The following APOC1 variants were observed in gnomAD, a reference collection of about 807,000 sequenced individuals.
APOC1 encodes the protein apolipoprotein C1.
APOC1 carries 4 observed loss-of-function variants against 6.7 expected under a neutral mutation model. The ratio of observed to expected loss-of-function variants is 0.60; its 90% confidence interval spans 0.29 to 1.37. APOC1 has a LOEUF of 1.37. APOC1 is among the 40% of genes most tolerant of loss of function. APOC1 has a pLI of 0.09. For missense variants in APOC1, 122 were observed against 99.4 expected (o/e 1.23, Z -0.97); for synonymous variants, 33 against 40.6 (o/e 0.81, Z 0.72).
rs1970058728 is a variant in APOC1 at position 44,919,177 on chromosome 19, T to G, written c.199T>G (p.Trp67Gly). The G allele has an allele frequency of 6.2e-7, 1 of 1,613,314 alleles. No homozygotes were observed. Among genetic ancestry groups the G allele is most frequent in the Admixed American group, 1.7e-5 (1 of 59,936 alleles). ...CTTCCTTATTCCTCCCCACAGGGAG[T>G]GGTTTTCAGAGACATTTCAGAAAGT... ...QSELSAKMRE[W>G]FSETFQKVKE... The change falls in exon 4 of 4, where the codon TGG becomes GGG. Residue 67 changes from tryptophan to glycine, a missense_variant. By Grantham distance (184) the Trp-to-Gly change is radical. Transcript: ENST00000592535.
At chr19:44,915,629 AG>A (rs1969990793) in intron 2 of APOC1, among the ~76,000 whole-genome samples, 1 of 150,008 alleles carries the variant, frequency 6.7e-6, no homozygotes, top group Non-Finnish European at 1.5e-5. Context: ...ATGATCCCCA[AG>A]GATCTCTATC....
Position 44,914,965 on chromosome 19 carries a change from G to C in APOC1, c.58+16G>C, listed in dbSNP as rs1969977588. ...GTCTTGGAAGGTAAAAGTGGGATGGGAGAATTGCGGAGTTGGAGATTTGGA... is the reference window on the plus strand; with the variant it reads ...GTCTTGGAAGGTAAAAGTGGGATGGCAGAATTGCGGAGTTGGAGATTTGGA... On this transcript the variant is annotated intron_variant, in intron 2 of 3. Coordinates refer to ENST00000592535, the MANE Select transcript of APOC1 (RefSeq NM_001645.5). 6.3e-7 allele frequency: 1 copy of C among 1,599,584 alleles called. No homozygotes were observed. Among genetic ancestry groups the C allele is most frequent in the East Asian group, 2.2e-5 (1 of 44,780 alleles).
In APOC1 at chr19:44,916,295, TCAAA is replaced by T; in HGVS notation, c.167_170del (p.Lys56ArgfsTer19). 1.9e-6 allele frequency: 3 copies of T among 1,613,910 alleles called. No individual in the cohort carries two copies. The highest frequency in any genetic ancestry group is 1.7e-4 in the Middle Eastern group (1 of 6,058). ...AAGGCTCGGGAACTCATCAGCCGCA[TCAAA>T]CAGAGTGAACTTTCTGCCAAGATGC... On this transcript the variant is annotated frameshift_variant, in exon 3 of 4. Coordinates refer to ENST00000592535, the MANE Select transcript of APOC1 (RefSeq NM_001645.5). LOFTEE classifies it low-confidence loss of function (END_TRUNC).
chr19:44,918,059 G>A (rs1001446687), intron 3 of APOC1, among the ~76,000 whole-genome samples: 2 of 152,028 alleles, frequency 1.3e-5, no homozygotes, highest in Non-Finnish European at 2.9e-5. Context: ...CACGAGGTCA[G>A]GAGTTCGAGA....
At chr19:44,916,825 A>AAAC (rs1970018475) in intron 3 of APOC1, among the ~76,000 whole-genome samples, 1 of 144,534 alleles carries the variant, frequency 6.9e-6, no homozygotes. Context: ...AAAAAAAAAA[A>AAAC]AAAAAAAAAA....
intron 3 of APOC1, among the ~76,000 whole-genome samples, chr19:44,917,689 C>G (rs957040981): frequency 1.3e-5 from 2 of 151,508 alleles, no homozygotes; most frequent in East Asian, 2.0e-4. Flanking sequence ...TTAGAAAGAT[C>G]GTTTGGAGGC....
Position 44,916,334 on chromosome 19 carries a change from C to A in APOC1, c.194+9C>A, listed in dbSNP as rs1382203005. 3.1e-6 allele frequency: 5 copies of A among 1,613,410 alleles called. No individual in the cohort carries two copies. Among genetic ancestry groups the A allele is most frequent in the Admixed American group, 3.3e-5 (2 of 59,882 alleles). ...CTTTCTGCCAAGATGCGGTTAGAAC[C>A]CTTCCCAGGGCACGGGAGAGCTGGG... On this transcript the variant is annotated intron_variant, in intron 3 of 3. Coordinates refer to ENST00000592535, the MANE Select transcript of APOC1 (RefSeq NM_001645.5).
Position 44,914,911 on chromosome 19 carries a change from T to A in APOC1, c.20T>A (p.Leu7His). The change falls in exon 2 of 4, where the codon CTC becomes CAC. Residue 7 changes from leucine to histidine, a missense_variant. By Grantham distance (99) the Leu-to-His change is moderately conservative. Transcript: ENST00000592535. ...CTCGCCATGAGGCTCTTCCTGTCGC[T>A]CCCGGTCCTGGTGGTGGTTCTGTCG... MRLFLSLPVLVVVLSIV... is the reference protein window; with the variant it reads MRLFLSHPVLVVVLSIV... 2 of 1,613,732 alleles carry A rather than the reference T, an allele frequency of 1.2e-6. No individual in the cohort carries two copies. Among genetic ancestry groups the A allele is most frequent in the Non-Finnish European group, 1.7e-6 (2 of 1,179,830 alleles).
chr19:44,916,144 A>AAAAAC (rs1555791328), intron 2 of APOC1, 46 bp from the exon 3 acceptor site: 1 of 1,493,308 alleles, frequency 6.7e-7, no homozygotes, highest in African/African-American at 1.5e-5. Context: ...CTCCAAAAAA[A>AAAAAC]AAAAAAAAAA....
At chr19:44,916,408 G>GAA in intron 3 of APOC1, 83 bp downstream of exon 3, 7 of 1,510,696 alleles carry the variant, frequency 4.6e-6, no homozygotes, top group South Asian at 1.2e-5. Context: ...TGAACAGATT[G>GAA]AAAAAAAAAC....
In APOC1 at chr19:44,919,313, C is replaced by A; in HGVS notation, c.*83C>A. 8.3e-7 allele frequency: 1 copy of A among 1,206,540 alleles called. No homozygotes were observed. The highest frequency in any genetic ancestry group is 1.2e-6 in the Non-Finnish European group (1 of 822,090). The allele number at this position is 1,206,540 out of a possible 1,614,324, so 74.7% of individuals were successfully genotyped here. On this transcript the variant is annotated 3_prime_UTR_variant, in exon 4 of 4. Coordinates refer to ENST00000592535, the MANE Select transcript of APOC1 (RefSeq NM_001645.5). ...TGTGCTGAGGACTCCCTCCATGTGGCCCCAGGTGCCACCAATAAAAATCCT... is the reference window on the plus strand; with the variant it reads ...TGTGCTGAGGACTCCCTCCATGTGGACCCAGGTGCCACCAATAAAAATCCT...
chr19:44,918,135 G>A (rs1354675390), intron 3 of APOC1, among the ~76,000 whole-genome samples: 1 of 150,444 alleles, frequency 6.6e-6, no homozygotes, highest in East Asian at 2.0e-4. Context: ...GGGTGTGGTG[G>A]CAGGCACCTG....
At chr19:44,914,557 C>T (rs190454394), upstream of APOC1, 168 of 316,210 alleles carry the variant, frequency 5.3e-4, no homozygotes, top group Middle Eastern at 7.1e-3. Context: ...CTGACCCCAA[C>T]GCTCACGGGA....
intron 3 of APOC1, chr19:44,918,952 C>T: frequency 1.7e-6 from 1 of 576,996 alleles, no homozygotes; most frequent in East Asian, 2.9e-5. Flanking sequence ...AGCCAAATGC[C>T]CAGCCAAGGG....
chr19:44,916,809 CAAAAA>C (rs1160183813), intron 3 of APOC1, among the ~76,000 whole-genome samples: 2 of 46,404 alleles, frequency 4.3e-5, no homozygotes, highest in East Asian at 2.3e-3. Flanking sequence ...GACTCTGTCT[CAAAAA>C]AAAAAAAAAA....
chr19:44,918,872 T>C (rs372225310), intron 3 of APOC1: 16 of 366,972 alleles, frequency 4.4e-5, no homozygotes, highest in Middle Eastern at 7.3e-4. Context: ...TTGCCCAGGT[T>C]GGTCTCGAAC....
intron 2 of APOC1, among the ~76,000 whole-genome samples, chr19:44,915,587 C>T (rs5118): frequency 6.6e-6 from 1 of 151,322 alleles, no homozygotes; most frequent in African/African-American, 2.4e-5. Context: ...CGTGAGCCAC[C>T]GCGTCCGGCC....
At chr19:44,919,139 A>C in intron 3 of APOC1, 34 bp from the exon 4 acceptor site, 1 of 1,596,276 alleles carries the variant, frequency 6.3e-7, no homozygotes, top group Non-Finnish European at 8.6e-7. Context: ...AGGTAGCTGC[A>C]CACAGTGACC....
chr19:44,916,554 A>G, intron 3 of APOC1: 1 of 593,206 alleles, frequency 1.7e-6, no homozygotes, highest in South Asian at 2.4e-5. Flanking sequence ...ACGGTGGCTC[A>G]TGCTTGCAAT....
Sources: gnomAD v4.1 joint callset for allele counts (sites outside exome capture counted in the v4.1 genomes callset) on GRCh38, gnomAD v4.1.1 for gene constraint, MANE v1.5 for transcripts, NCBI Gene and HGNC (gene_info 2026-07-23, HGNC 2026-07-21) for gene names.